PRSS23: variants seen among roughly 807,000 people sequenced by gnomAD.
PRSS23 encodes the protein protease, serine 23.
In PRSS23, 25 loss-of-function variants were observed where a neutral mutation model predicts 34.7. The ratio of observed to expected loss-of-function variants is 0.72; its 90% CI spans 0.53 to 1.01. The LOEUF (loss-of-function observed/expected upper bound fraction) is 1.01. PRSS23 is among the 50% of genes least tolerant of loss of function. The pLI is 0.00. For synonymous variants in PRSS23, 176 were observed against 186.6 expected (o/e 0.94, Z 0.46); for missense variants, 445 against 475.6 (o/e 0.94, Z 0.60).
chr11:86,900,375 A>G (rs961756888), intron 2 of PRSS23, among the ~76,000 whole-genome samples: 4 of 152,222 alleles, frequency 2.6e-5, no homozygotes, highest in Non-Finnish European at 5.9e-5. Flanking sequence ...TGCAATATGC[A>G]TTTGATGACT....
intron 1 of PRSS23, among the ~76,000 whole-genome samples, chr11:86,793,926 C>T (rs1170233945): frequency 6.6e-6 from 1 of 151,780 alleles, no homozygotes; most frequent in Non-Finnish European, 1.5e-5. Flanking sequence ...TTAATACAAC[C>T]CTCTAAAAAA....
intron 2 of PRSS23, chr11:86,933,366 T>A (rs561214390): frequency 1.3e-5 from 2 of 152,308 alleles, no homozygotes; most frequent in Admixed American, 1.3e-4. Flanking sequence ...ATTTCCTATC[T>A]GAAGCCTTCG....
intron 2 of PRSS23, among the ~76,000 whole-genome samples, chr11:86,930,517 C>T (rs1949116830): frequency 2.0e-5 from 3 of 152,088 alleles, no homozygotes; most frequent in African/African-American, 4.8e-5. Context: ...CAGGGCCGGG[C>T]GCGGCGGCTC....
exon 3 of PRSS23, chr11:86,952,432 C>A: frequency 6.2e-7 from 1 of 1,613,988 alleles, no homozygotes; most frequent in Non-Finnish European, 8.5e-7. Context: ...TGTTGATCTT[C>A]TCTGTGCACA....
intron 2 of PRSS23, among the ~76,000 whole-genome samples, chr11:86,838,335 C>T (rs574437862): frequency 2.6e-5 from 4 of 152,302 alleles, no homozygotes; most frequent in Non-Finnish European, 4.4e-5. Flanking sequence ...TTGGTGGGTG[C>T]CACAGCCACG....
chr11:86,856,400 A>C (rs959538106), intron 2 of PRSS23, among the ~76,000 whole-genome samples: 1 of 152,000 alleles, frequency 6.6e-6, no homozygotes, highest in Non-Finnish European at 1.5e-5. Context: ...CCCAGGCCTC[A>C]TCATGTCTAA....
At position 86,808,818 on chromosome 11, in the gene PRSS23, A is replaced by C; in HGVS notation, c.*23A>C. The C allele has an allele frequency of 6.4e-7, 1 of 1,569,552 alleles. No homozygotes were observed. The highest frequency in any genetic ancestry group is 8.6e-7 in the Non-Finnish European group (1 of 1,156,098). On this transcript the variant is annotated 3_prime_UTR_variant, in exon 2 of 2. Transcript: ENST00000280258. ...TGACACAGTGTTCCCTCCTGGCAGC[A>C]ATTAAGGGTCTTCATGTTCTTATTT...
chr11:86,824,112 A>C (rs1948277596), intron 2 of PRSS23, among the ~76,000 whole-genome samples: 1 of 151,186 alleles, frequency 6.6e-6, no homozygotes, highest in South Asian at 2.1e-4. Flanking sequence ...GGAATCATTC[A>C]GCCTGGGCAA....
At chr11:86,814,948 C>T (rs1948204848), downstream of PRSS23, among the ~76,000 whole-genome samples, 3 of 152,208 alleles carry the variant, frequency 2.0e-5, no homozygotes, top group Admixed American at 6.5e-5. Flanking sequence ...ACTGTGCTCT[C>T]TTAGTCTTGA....
intron 2 of PRSS23, among the ~76,000 whole-genome samples, chr11:86,931,348 CATCAAAAAATGAATTAATA>C (rs1411021332): frequency 6.6e-6 from 1 of 151,834 alleles, no homozygotes; most frequent in Non-Finnish European, 1.5e-5. Context: ...ACTAAATTTC[CATCAAAAAATGAATTAATA>C]AGCAAATTGT....
rs578001000 is a variant in PRSS23, at chr11:86,903,903, G to T, written c.207-47313G>T. Among the ~76,000 whole-genome samples, 7 of 152,350 alleles carry T rather than the reference G, an allele frequency of 4.6e-5. No individual in the cohort carries two copies. In the South Asian group the frequency reaches 1.5e-3, roughly 32 times the overall value. On this transcript the variant is annotated intron_variant, in intron 2 of 2. Coordinates refer to the PRSS23 transcript ENST00000533902. The stretch of plus-strand genomic sequence containing the variant: ...TGAAGTGAGGATTAAGATAGATAAA[G>T]TGTGTAAACCACCTGGTGTATGACC...
chr11:86,832,663 C>T (rs1948368438), intron 2 of PRSS23: 1 of 416,450 alleles, frequency 2.4e-6, no homozygotes. Flanking sequence ...GGGAAGATGA[C>T]ACATCTGAAC....
chr11:86,930,520 G>A (rs964374493), intron 2 of PRSS23, among the ~76,000 whole-genome samples: 8 of 152,114 alleles, frequency 5.3e-5, no homozygotes, highest in African/African-American at 9.7e-5. Flanking sequence ...GGCCGGGCGC[G>A]GCGGCTCACG....
At chr11:86,917,398 G>A (rs774343943) in intron 2 of PRSS23, among the ~76,000 whole-genome samples, 2 of 152,220 alleles carry the variant, frequency 1.3e-5, no homozygotes, top group Non-Finnish European at 2.9e-5. Context: ...ATAGGGAAAT[G>A]TTAAGATCTG....
chr11:86,952,857 GTTTA>G (rs1949306413), exon 3 of PRSS23: 1 of 158,268 alleles, frequency 6.3e-6, no homozygotes, highest in African/African-American at 2.4e-5. Flanking sequence ...CATTTAGGTG[GTTTA>G]TTTTTATCCC....
At position 86,807,996 on chromosome 11, in the gene PRSS23, C is replaced by T. The variant is rs977369976; in HGVS notation, c.353C>T (p.Ser118Leu). The change falls in exon 2 of 2, where the codon TCA becomes TTA. Residue 118 changes from serine to leucine, a missense_variant. Ser to Leu is a moderately radical substitution (Grantham distance 145). Coordinates refer to ENST00000280258, the MANE Select transcript of PRSS23 (RefSeq NM_007173.6). ...SSGDGAQHRD[S>L]GSSGKSRRKR... ...GGAGATGGGGCCCAACACCGAGACTCAGGGTCTTCAGGAAAGTCTCGAAGG... is the reference window on the plus strand; with the variant it reads ...GGAGATGGGGCCCAACACCGAGACTTAGGGTCTTCAGGAAAGTCTCGAAGG... The T allele has an allele frequency of 1.2e-6, 2 of 1,614,104 alleles. No homozygotes were observed. The highest frequency in any genetic ancestry group is 1.6e-4 in the Middle Eastern group (1 of 6,062).
At chr11:86,858,416 G>A (rs534928126) in intron 2 of PRSS23, among the ~76,000 whole-genome samples, 1 of 151,408 alleles carries the variant, frequency 6.6e-6, no homozygotes, top group Non-Finnish European at 1.5e-5. Context: ...ACCGATGGGG[G>A]TGCACACAAC....
At chr11:86,928,887 A>G (rs1320295154) in intron 2 of PRSS23, among the ~76,000 whole-genome samples, 2 of 151,862 alleles carry the variant, frequency 1.3e-5, no homozygotes, top group African/African-American at 4.8e-5. Flanking sequence ...AAGTAACTAC[A>G]CTGAAATAAT....
chr11:86,848,664 C>A (rs953564831), intron 2 of PRSS23, among the ~76,000 whole-genome samples: 1 of 152,016 alleles, frequency 6.6e-6, no homozygotes, highest in Non-Finnish European at 1.5e-5. Context: ...AAGAAGCGGC[C>A]GATATTAGGA....
Sources: gnomAD v4.1 joint callset for allele counts (sites outside exome capture counted in the v4.1 genomes callset) on GRCh38, gnomAD v4.1.1 for gene constraint, MANE v1.5 for transcripts, NCBI Gene and HGNC (gene_info 2026-07-23, HGNC 2026-07-21) for gene names.